Variants in NRXN1 observed in about 807,000 individuals in gnomAD.
The protein encoded by NRXN1 is neurexin 1, also known as neurexin-1.
Under a neutral mutation model 150.9 loss-of-function variants are expected in NRXN1, and 39 were observed. The ratio of observed to expected loss-of-function variants is 0.26; its 90% CI spans 0.20 to 0.34. NRXN1 has a LOEUF of 0.34. Ranked by LOEUF, NRXN1 falls within the 10% of genes least tolerant of loss-of-function variation. The pLI is 1.00. For synonymous variants in NRXN1, 924 were observed against 757.0 expected, an observed-to-expected ratio of 1.22 and a Z score of -3.62; for missense variants, 1,815 against 1,949.9, an observed-to-expected ratio of 0.93 and a Z score of 1.30.
intron 18 of NRXN1, among the ~76,000 whole-genome samples, chr2:50,132,306 CTT>C (rs71401059): frequency 0.17 from 24,138 of 139,254 alleles, 2,402 homozygotes; most frequent in East Asian, 0.37. Context: ...TCCCAAAACT[CTT>C]TTTTTTTTTT....
intron 18 of NRXN1, among the ~76,000 whole-genome samples, chr2:50,208,791 T>TA (rs1290844340): frequency 6.6e-6 from 1 of 152,128 alleles, no homozygotes; most frequent in Admixed American, 6.6e-5. Context: ...GCCCAAATTT[T>TA]AAAAAATCAA....
chr2:50,922,737 A>C (rs568546175), intron 3 of NRXN1, 50 bp from the exon 4 acceptor site: 3 of 1,593,772 alleles, frequency 1.9e-6, no homozygotes, highest in African/African-American at 2.7e-5. Context: ...GAGCATGGGA[A>C]GGCAGGGTTG....
chr2:50,296,294 C>A (rs563194194), intron 17 of NRXN1, among the ~76,000 whole-genome samples: 1 of 152,294 alleles, frequency 6.6e-6, no homozygotes, highest in East Asian at 1.9e-4. Context: ...GTGAGAGAAG[C>A]AAATGCTTCA....
At chr2:50,130,128 C>T (rs1705257270) in intron 18 of NRXN1, among the ~76,000 whole-genome samples, 1 of 152,104 alleles carries the variant, frequency 6.6e-6, no homozygotes, top group Admixed American at 6.5e-5. Flanking sequence ...ACAGTTTTGT[C>T]GCTTCTTTCC....
chr2:50,875,959 G>T (rs1264395839), intron 5 of NRXN1, among the ~76,000 whole-genome samples: 1 of 151,826 alleles, frequency 6.6e-6, no homozygotes, highest in Non-Finnish European at 1.5e-5. Flanking sequence ...AGACAGCTTT[G>T]AAAGTGGAAG....
intron 18 of NRXN1, among the ~76,000 whole-genome samples, chr2:50,180,607 T>C (rs1215298631): frequency 1.3e-5 from 2 of 152,102 alleles, no homozygotes; most frequent in African/African-American, 2.4e-5. Flanking sequence ...TTCTGCCTTA[T>C]GAGGAAAAGG....
Position 50,531,350 on chromosome 2 carries a change from C to T in NRXN1, c.2224G>A (p.Val742Ile). ...CGCTGGGATCGGAACCGTAAGGAAA[C>T]ATCCTCAGCCTCCGTATGCATGACT... The part of the protein sequence containing the change: ...PVVMHTEAED[V>I]SLRFRSQRAY... Residue 742 changes from valine (V) to isoleucine (I), a missense_variant, in exon 11 of 23, where the codon GTT (valine) becomes ATT (isoleucine). Val to Ile is a conservative substitution (Grantham distance 29, BLOSUM62 3). This residue lies in a region of NRXN1 where 638 missense variants were observed against 652.6 expected (regional missense o/e 0.98). Coordinates refer to ENST00000401669, the MANE Select transcript of NRXN1 (RefSeq NM_001330078.2). The T allele has an allele frequency of 6.2e-7, 1 of 1,613,358 alleles. No homozygotes were observed. Among genetic ancestry groups the T allele is most frequent in the Non-Finnish European group, 8.5e-7 (1 of 1,179,680 alleles).
intron 9 of NRXN1, among the ~76,000 whole-genome samples, chr2:50,542,352 A>T (rs1314163473): frequency 6.6e-6 from 1 of 152,126 alleles, no homozygotes. Context: ...AAAAAGGGAT[A>T]TAATCCTACC....
intron 2 of NRXN1, among the ~76,000 whole-genome samples, chr2:50,949,280 T>A (rs1337015245): frequency 6.6e-6 from 1 of 151,986 alleles, no homozygotes; most frequent in Non-Finnish European, 1.5e-5. Flanking sequence ...AAATAGGGAT[T>A]TAGTTAAACA....
intron 17 of NRXN1, among the ~76,000 whole-genome samples, chr2:50,273,256 A>G (rs1011403590): frequency 1.3e-5 from 2 of 152,208 alleles, no homozygotes; most frequent in Non-Finnish European, 2.9e-5. Context: ...TTTTCCCCCC[A>G]ATAATTACAT....
At chr2:51,031,169 C>A (rs1372154765) in intron 1 of NRXN1, among the ~76,000 whole-genome samples, 1 of 152,026 alleles carries the variant, frequency 6.6e-6, no homozygotes, top group Non-Finnish European at 1.5e-5. Flanking sequence ...AAAGAGGATT[C>A]TCTCTAGGTG....
At chr2:50,977,399 C>T (rs1169258781) in intron 2 of NRXN1, among the ~76,000 whole-genome samples, 1 of 151,654 alleles carries the variant, frequency 6.6e-6, no homozygotes, top group Non-Finnish European at 1.5e-5. Flanking sequence ...ATATGACTGG[C>T]AGAATTTCTG....
intron 18 of NRXN1, among the ~76,000 whole-genome samples, chr2:50,236,535 T>A (rs546480580): frequency 6.6e-5 from 9 of 137,362 alleles, no homozygotes; most frequent in East Asian, 6.4e-4. Context: ...AAAATTTTTT[T>A]AAAAATTATT....
At chr2:50,915,826 T>G (rs1199194839) in intron 5 of NRXN1, among the ~76,000 whole-genome samples, 1 of 151,114 alleles carries the variant, frequency 6.6e-6, no homozygotes. Context: ...CTTTTGCAAT[T>G]TGTCATGTAA....
chr2:50,370,269 CT>C (rs2079920446), intron 17 of NRXN1, among the ~76,000 whole-genome samples: 1 of 151,958 alleles, frequency 6.6e-6, no homozygotes, highest in African/African-American at 2.4e-5. Context: ...AAAATGCAGC[CT>C]GCCAGCCACT....
intron 9 of NRXN1, among the ~76,000 whole-genome samples, chr2:50,550,956 C>T (rs924143056): frequency 2.6e-4 from 40 of 151,740 alleles, no homozygotes; most frequent in African/African-American, 4.4e-4. Flanking sequence ...GCTGGGATTA[C>T]GGGCGTGAGC....
intron 2 of NRXN1, among the ~76,000 whole-genome samples, chr2:51,001,634 G>T (rs1235844928): frequency 6.6e-6 from 1 of 151,766 alleles, no homozygotes; most frequent in Non-Finnish European, 1.5e-5. Flanking sequence ...TAAAATGTAG[G>T]CACAGTAAAC....
chr2:50,583,042 C>T (rs960231063), intron 8 of NRXN1, among the ~76,000 whole-genome samples: 5 of 151,888 alleles, frequency 3.3e-5, no homozygotes, highest in African/African-American at 1.2e-4. Flanking sequence ...ACTTTCACCT[C>T]CCACCTAGTT....
chr2:50,516,774 A>G (rs565658865), intron 12 of NRXN1, among the ~76,000 whole-genome samples: 3 of 152,068 alleles, frequency 2.0e-5, no homozygotes, highest in South Asian at 2.1e-4. Context: ...TTTAATAAGC[A>G]AAGAGATAGA....
Sources: allele counts gnomAD v4.1 joint callset (sites outside exome capture counted in the v4.1 genomes callset), GRCh38; gene constraint gnomAD v4.1.1; regional missense constraint gnomAD v4.1.1; transcripts MANE v1.5; gene names NCBI Gene and HGNC (gene_info 2026-07-23, HGNC 2026-07-21).